The following HMG20A variants were observed in gnomAD, a reference collection of about 807,000 sequenced individuals.
HMG20A encodes high mobility group protein 20A.
Under a neutral mutation model 43.9 loss-of-function variants are expected in HMG20A, and 17 were observed. The observed-to-expected ratio is 0.39, with a 90% CI of 0.27 to 0.58. The LOEUF (loss-of-function observed/expected upper bound fraction) is 0.58. Ranked by LOEUF, HMG20A falls within the 20% of genes least tolerant of loss-of-function variation. HMG20A has a pLI of 0.59. For missense variants in HMG20A, 341 were observed against 438.2 expected, an observed-to-expected ratio of 0.78 and a Z score of 1.98; for synonymous variants, 132 against 147.5, an observed-to-expected ratio of 0.89 and a Z score of 0.76.
At chr15:77,459,780 T>C (rs2072689135) in intron 2 of HMG20A, among the ~76,000 whole-genome samples, 1 of 152,114 alleles carries the variant, frequency 6.6e-6, no homozygotes, top group Non-Finnish European at 1.5e-5. Flanking sequence ...CTCAAACATA[T>C]GAATTGCCAA....
chr15:77,466,703 T>C (rs2072759827), intron 3 of HMG20A, among the ~76,000 whole-genome samples: 1 of 152,210 alleles, frequency 6.6e-6, no homozygotes, highest in African/African-American at 2.4e-5. Context: ...CATGTGCTGC[T>C]GTATTTCCCA....
chr15:77,424,823 T>G (rs1012649341), intron 1 of HMG20A, among the ~76,000 whole-genome samples: 2 of 152,170 alleles, frequency 1.3e-5, no homozygotes, highest in Non-Finnish European at 2.9e-5. Flanking sequence ...ATCACTAAGG[T>G]AATTTGAATT....
At chr15:77,510,290 G>A in the HMG20A span, among the ~76,000 whole-genome samples, 9 of 152,304 alleles carry the variant, frequency 5.9e-5, no homozygotes, top group Admixed American at 1.3e-4. Context: ...ACCTGGCTGC[G>A]CATGGATGAT....
the HMG20A span, among the ~76,000 whole-genome samples, chr15:77,515,393 G>A: frequency 6.6e-6 from 1 of 150,700 alleles, no homozygotes; most frequent in East Asian, 1.9e-4. Context: ...TTTAAAAAAA[G>A]TTATCTTATT....
chr15:77,445,047 T>C (rs939351175), intron 1 of HMG20A, among the ~76,000 whole-genome samples: 1 of 152,240 alleles, frequency 6.6e-6, no homozygotes, highest in African/African-American at 2.4e-5. Context: ...AGTCAGTTGA[T>C]TAAAATGAAA....
At chr15:77,439,996 T>G (rs908393082) in intron 1 of HMG20A, among the ~76,000 whole-genome samples, 5 of 152,170 alleles carry the variant, frequency 3.3e-5, no homozygotes, top group African/African-American at 1.2e-4. Flanking sequence ...GTGCTTGCTT[T>G]GTATTTAGCC....
chr15:77,432,627 C>A (rs1375687561), intron 1 of HMG20A, among the ~76,000 whole-genome samples: 1 of 148,480 alleles, frequency 6.7e-6, no homozygotes, highest in Non-Finnish European at 1.5e-5. Flanking sequence ...GAGGCTGAGG[C>A]AGGAGAATCA....
intron 1 of HMG20A, among the ~76,000 whole-genome samples, chr15:77,432,522 G>T (rs538416707): frequency 9.9e-5 from 15 of 152,232 alleles, no homozygotes; most frequent in African/African-American, 3.4e-4. Flanking sequence ...AGGAGTTTGA[G>T]ACCAGCTTGG....
chr15:77,489,152 T>C (rs2072959744), downstream of HMG20A, among the ~76,000 whole-genome samples: 1 of 152,232 alleles, frequency 6.6e-6, no homozygotes, highest in South Asian at 2.1e-4. Flanking sequence ...TAGAAGACAC[T>C]TAAATATAAG....
At chr15:77,517,742 A>G in the HMG20A span, among the ~76,000 whole-genome samples, 1 of 151,830 alleles carries the variant, frequency 6.6e-6, no homozygotes, top group South Asian at 2.1e-4. Context: ...GCTGCATGTC[A>G]TGGGGCAAAT....
chr15:77,458,897 C>G (rs1311704720), intron 2 of HMG20A, among the ~76,000 whole-genome samples: 1 of 152,146 alleles, frequency 6.6e-6, no homozygotes, highest in African/African-American at 2.4e-5. Flanking sequence ...ATTCAAGATG[C>G]TTAGTAACTT....
the HMG20A span, among the ~76,000 whole-genome samples, chr15:77,496,992 G>T: frequency 1.8e-4 from 27 of 152,204 alleles, no homozygotes; most frequent in Non-Finnish European, 3.8e-4. Context: ...AGGAGAGCTG[G>T]CGCCCTCTGC....
At chr15:77,494,625 A>G in the HMG20A span, among the ~76,000 whole-genome samples, 1 of 152,228 alleles carries the variant, frequency 6.6e-6, no homozygotes, top group Non-Finnish European at 1.5e-5. Flanking sequence ...TGCTAAACAT[A>G]GTGGCTTATA....
chr15:77,480,621 A>C (rs1006462430), intron 9 of HMG20A, among the ~76,000 whole-genome samples: 3 of 151,494 alleles, frequency 2.0e-5, no homozygotes, highest in African/African-American at 4.8e-5. Flanking sequence ...CAAAAAAAAA[A>C]AAAACAAAAT....
At position 77,484,696 on chromosome 15, in the gene HMG20A, T is replaced by C. The variant is rs2072933155; in HGVS notation, c.*1733T>C. On this transcript the variant is annotated 3_prime_UTR_variant, in exon 10 of 10. Coordinates refer to ENST00000336216, the MANE Select transcript of HMG20A (RefSeq NM_001304504.2). ...ATTTTTTAGAATAAGACCCCATTAT[T>C]ATCTATTGCTATAAACCTAGCCAGT... The C allele has an allele frequency of 6.6e-6, 1 of 152,208 alleles. No individual in the cohort carries two copies. Among genetic ancestry groups the C allele is most frequent in the Admixed American group, 6.5e-5 (1 of 15,278 alleles). 9.4% of individuals were successfully genotyped at this position (152,208 alleles called of 1,614,324 possible). A position where few individuals can be genotyped will look rare whatever the true frequency, so the allele number is the denominator to read the frequency against.
At chr15:77,429,599 A>G (rs971833207) in intron 1 of HMG20A, among the ~76,000 whole-genome samples, 1 of 152,244 alleles carries the variant, frequency 6.6e-6, no homozygotes, top group African/African-American at 2.4e-5. Context: ...AATTCCACAT[A>G]TAGAACTTCA....
At chr15:77,433,338 T>TAAAAAAAAA (rs56217820) in intron 1 of HMG20A, among the ~76,000 whole-genome samples, 1 of 118,544 alleles carries the variant, frequency 8.4e-6, no homozygotes, top group Non-Finnish European at 1.7e-5. Context: ...ACCCTGTCTC[T>TAAAAAAAAA]AAAAAAAAAA....
At chr15:77,426,070 A>T (rs2073424475) in intron 1 of HMG20A, among the ~76,000 whole-genome samples, 1 of 152,216 alleles carries the variant, frequency 6.6e-6, no homozygotes, top group South Asian at 2.1e-4. Flanking sequence ...ATTAGGCAAA[A>T]CTAATAGAGA....
chr15:77,453,981 G>A lies in HMG20A; in HGVS notation c.-4-4423G>A, dbSNP rs897942045. ...AGGCTAGGAATTCAAGACAGCCTGGGCAACATAGCGAAACCCTATCTCTAC... is the reference window on the plus strand; with the variant it reads ...AGGCTAGGAATTCAAGACAGCCTGGACAACATAGCGAAACCCTATCTCTAC... On this transcript the variant is annotated intron_variant, in intron 1 of 9. Coordinates refer to ENST00000336216, the MANE Select transcript of HMG20A (RefSeq NM_001304504.2). 6.7e-5 allele frequency among the ~76,000 whole-genome samples: 10 copies of A among 149,988 alleles called. 1 individual carries two copies. Among genetic ancestry groups the A allele is most frequent in the African/African-American group, 2.5e-4 (10 of 40,646 alleles).
Sources: allele counts gnomAD v4.1 joint callset (sites outside exome capture counted in the v4.1 genomes callset), GRCh38; gene constraint gnomAD v4.1.1; transcripts MANE v1.5; gene names NCBI Gene and HGNC (gene_info 2026-07-23, HGNC 2026-07-21).